The following OR2L13 variants were observed in gnomAD, a reference collection of about 807,000 sequenced individuals.
OR2L13 encodes olfactory receptor 2L13.
A neutral mutation model predicts 15.3 loss-of-function variants in OR2L13; 14 were observed. The ratio of observed to expected loss-of-function variants is 0.91; its 90% CI spans 0.60 to 1.43. The LOEUF is 1.43. Among genes scored for constraint, OR2L13 ranks in the 40% most tolerant of loss-of-function variants. The pLI, the probability that OR2L13 is intolerant of heterozygous loss-of-function variation, is 0.00. For missense variants in OR2L13, 367 were observed against 387.9 expected (o/e 0.95, Z 0.45); for synonymous variants, 152 against 142.9 (o/e 1.06, Z -0.45).
At chr1:248,000,123 G>GTGTGTGTGTGTGTGT in the OR2L13 span, among the ~76,000 whole-genome samples, 198 of 138,290 alleles carry the variant, frequency 1.4e-3, 2 homozygotes, top group East Asian at 8.5e-3. Flanking sequence ...TTTTTTTTTT[G>GTGTGTGTGTGTGTGT]GTGTGTGTGT....
the OR2L13 span, among the ~76,000 whole-genome samples, chr1:247,998,644 A>C: frequency 6.6e-6 from 1 of 152,164 alleles, no homozygotes; most frequent in Admixed American, 6.6e-5. Flanking sequence ...GAATGGTTAA[A>C]ATTACCAGTC....
At chr1:247,966,351 C>T in the OR2L13 span, 1 of 1,594,360 alleles carries the variant, frequency 6.3e-7, no homozygotes, top group Non-Finnish European at 8.5e-7. Flanking sequence ...TGAGCATTAA[C>T]AACATAAAAA....
chr1:248,023,611 T>C, the OR2L13 span: 2 of 152,214 alleles, frequency 1.3e-5, no homozygotes, highest in Middle Eastern at 3.2e-3. Context: ...TTCTACTTAC[T>C]CTTCAAAATC....
the OR2L13 span, among the ~76,000 whole-genome samples, chr1:247,986,538 G>C: frequency 6.6e-6 from 1 of 152,264 alleles, no homozygotes; most frequent in African/African-American, 2.4e-5. Context: ...TTTGAAGTCA[G>C]GTAGTGTGAT....
the OR2L13 span, among the ~76,000 whole-genome samples, chr1:248,010,958 G>A: frequency 6.6e-6 from 1 of 151,742 alleles, no homozygotes; most frequent in Non-Finnish European, 1.5e-5. Flanking sequence ...TACATTTAAG[G>A]TTAATATTGC....
the OR2L13 span, among the ~76,000 whole-genome samples, chr1:248,043,014 G>A: frequency 6.6e-6 from 1 of 152,174 alleles, no homozygotes; most frequent in African/African-American, 2.4e-5. Flanking sequence ...ACCATGAGCA[G>A]TTTCCAATAT....
At chr1:248,044,697 G>T in the OR2L13 span, among the ~76,000 whole-genome samples, 1 of 116,854 alleles carries the variant, frequency 8.6e-6, no homozygotes, top group Non-Finnish European at 1.6e-5. Flanking sequence ...CAGCTACTCG[G>T]GAGGCTGAGG....
At chr1:248,072,177 C>G in the OR2L13 span, among the ~76,000 whole-genome samples, 1 of 152,042 alleles carries the variant, frequency 6.6e-6, no homozygotes, top group Non-Finnish European at 1.5e-5. Flanking sequence ...CAACTCAATC[C>G]TAAGCCAAAA....
the OR2L13 span, among the ~76,000 whole-genome samples, chr1:247,982,071 T>C: frequency 1.3e-5 from 2 of 152,180 alleles, no homozygotes; most frequent in Admixed American, 6.5e-5. Context: ...CGCCTCGGCC[T>C]CCCAAAGTGC....
the OR2L13 span, chr1:248,022,594 C>G: frequency 6.2e-7 from 1 of 1,614,158 alleles, no homozygotes; most frequent in Non-Finnish European, 8.5e-7. Context: ...ATTGCGTGTT[C>G]CTATGGCTGG....
chr1:248,016,826 T>C, the OR2L13 span, among the ~76,000 whole-genome samples: 2 of 152,086 alleles, frequency 1.3e-5, no homozygotes, highest in South Asian at 4.1e-4. Flanking sequence ...CATATGTGTG[T>C]TTGTGTGTGA....
the OR2L13 span, among the ~76,000 whole-genome samples, chr1:248,016,209 A>G: frequency 6.6e-6 from 1 of 152,230 alleles, no homozygotes; most frequent in African/African-American, 2.4e-5. Context: ...AAAGATAGTA[A>G]TATGTAATTC....
chr1:248,033,365 G>C, the OR2L13 span, among the ~76,000 whole-genome samples: 1 of 152,148 alleles, frequency 6.6e-6, no homozygotes, highest in Middle Eastern at 3.4e-3. Flanking sequence ...AACTTGGTTT[G>C]CTTGCCAAAA....
At chr1:247,966,099 T>C in the OR2L13 span, 1 of 1,614,142 alleles carries the variant, frequency 6.2e-7, no homozygotes, top group South Asian at 1.1e-5. Flanking sequence ...TTTCCACTTG[T>C]TCCTCCCACC....
chr1:248,073,207 C>G, the OR2L13 span, among the ~76,000 whole-genome samples: 1 of 151,764 alleles, frequency 6.6e-6, no homozygotes, highest in Non-Finnish European at 1.5e-5. Flanking sequence ...TTCACAATAG[C>G]AAAGACTTGC....
chr1:248,012,120 T>C, the OR2L13 span, among the ~76,000 whole-genome samples: 1 of 152,160 alleles, frequency 6.6e-6, no homozygotes, highest in Non-Finnish European at 1.5e-5. Flanking sequence ...TGAACTACTT[T>C]ATGCTTGCTT....
the OR2L13 span, chr1:248,061,291 A>G: frequency 1.9e-6 from 3 of 1,608,650 alleles, no homozygotes; most frequent in South Asian, 2.2e-5. Context: ...GAGCACCACC[A>G]TCTTTCTCGT....
the OR2L13 span, among the ~76,000 whole-genome samples, chr1:247,955,454 G>T: frequency 6.6e-6 from 1 of 151,644 alleles, no homozygotes; most frequent in East Asian, 1.9e-4. Flanking sequence ...AATCCTTTGG[G>T]TATATACCCA....
the OR2L13 span, chr1:247,980,769 A>G: frequency 1.3e-5 from 2 of 152,234 alleles, no homozygotes; most frequent in Non-Finnish European, 2.9e-5. Context: ...CTGAATCACC[A>G]TGAAGCTCTC....
Sources: gnomAD v4.1 joint callset for allele counts (sites outside exome capture counted in the v4.1 genomes callset) on GRCh38, gnomAD v4.1.1 for gene constraint, MANE v1.5 for transcripts, NCBI Gene and HGNC (gene_info 2026-07-23, HGNC 2026-07-21) for gene names.